Variants in KCNQ3 observed in about 807,000 individuals in gnomAD.
KCNQ3 encodes potassium voltage-gated channel subfamily Q member 3.
Under a neutral mutation model 92.5 loss-of-function variants are expected in KCNQ3, and 30 were observed. The observed-to-expected ratio is 0.32, with a 90% CI of 0.24 to 0.44. KCNQ3 has a LOEUF of 0.44. Ranked by LOEUF, KCNQ3 falls within the 20% of genes least tolerant of loss-of-function variation. KCNQ3 has a pLI of 1.00. For synonymous variants in KCNQ3, 450 were observed against 468.8 expected (o/e 0.96, Z 0.52); for missense variants, 913 against 1,140.3 (o/e 0.80, Z 2.87).
chr8:132,275,593 T>G (rs1020113029), intron 1 of KCNQ3, among the ~76,000 whole-genome samples: 212 of 152,000 alleles, frequency 1.4e-3, no homozygotes, highest in Non-Finnish European at 2.5e-3. Flanking sequence ...TTTTTTTTTT[T>G]TTTAGACAGA....
chr8:132,163,166 G>T (rs538533944), intron 9 of KCNQ3, among the ~76,000 whole-genome samples: 8 of 152,214 alleles, frequency 5.3e-5, no homozygotes, highest in African/African-American at 1.2e-4. Context: ...CATCCACAAG[G>T]GATGATATTA....
intron 1 of KCNQ3, among the ~76,000 whole-genome samples, chr8:132,281,810 C>T (rs1393810765): frequency 6.6e-6 from 1 of 152,286 alleles, no homozygotes; most frequent in South Asian, 2.1e-4. Flanking sequence ...GCTTTCACTG[C>T]CTACGGGGTG....
intron 1 of KCNQ3, among the ~76,000 whole-genome samples, chr8:132,328,009 C>T (rs1818110763): frequency 6.6e-6 from 1 of 152,128 alleles, no homozygotes; most frequent in African/African-American, 2.4e-5. Context: ...GTCCCCTCTA[C>T]CCCAGAGCCA....
chr8:132,420,181 G>A lies in KCNQ3; in HGVS notation c.386+59966C>T, dbSNP rs1369450082. On this transcript the variant is annotated intron_variant, in intron 1 of 14. Coordinates refer to ENST00000388996, the MANE Select transcript of KCNQ3 (RefSeq NM_004519.4). ...GCTCTGGGGTCTCTTGTACAAGAGA[G>A]CACTAATCCCATTCTTGAAGATTCT... 2.0e-5 allele frequency among the ~76,000 whole-genome samples: 3 copies of A among 152,066 alleles called. No individual in the cohort carries two copies. The East Asian group carries it at 5.8e-4, about 29-fold the overall frequency.
chr8:132,437,045 C>T (rs1378340779), intron 1 of KCNQ3, among the ~76,000 whole-genome samples: 7 of 151,144 alleles, frequency 4.6e-5, no homozygotes, highest in African/African-American at 9.7e-5. Flanking sequence ...TTTGGGAGGC[C>T]GAGGCGGGCG....
intron 9 of KCNQ3, among the ~76,000 whole-genome samples, chr8:132,158,969 C>G (rs1316843328): frequency 6.6e-6 from 1 of 152,146 alleles, no homozygotes; most frequent in Non-Finnish European, 1.5e-5. Flanking sequence ...CTGAAGGCTG[C>G]TGTTCAGATT....
intron 1 of KCNQ3, among the ~76,000 whole-genome samples, chr8:132,387,448 A>C (rs1254708695): frequency 6.6e-6 from 1 of 152,244 alleles, no homozygotes; most frequent in African/African-American, 2.4e-5. Context: ...CATCTTAATT[A>C]ATAGTGAAAA....
intron 1 of KCNQ3, among the ~76,000 whole-genome samples, chr8:132,247,719 ACC>A (rs754803684): frequency 6.6e-6 from 1 of 151,512 alleles, no homozygotes; most frequent in African/African-American, 2.4e-5. Context: ...AATCGCTTGA[ACC>A]CAGGAGGCGG....
intron 1 of KCNQ3, among the ~76,000 whole-genome samples, chr8:132,308,218 C>T (rs1437875505): frequency 6.6e-6 from 1 of 152,164 alleles, no homozygotes; most frequent in Non-Finnish European, 1.5e-5. Context: ...GTCTAGGTCC[C>T]TCTCCTCCTC....
In KCNQ3 at chr8:132,463,603, C is replaced by A. The variant is rs920471780; in HGVS notation, c.386+16544G>T. 7.9e-5 allele frequency among the ~76,000 whole-genome samples: 12 copies of A among 152,268 alleles called. 1 individual carries two copies. Among genetic ancestry groups the A allele is most frequent in the Admixed American group, 3.9e-4 (6 of 15,292 alleles). On this transcript the variant is annotated intron_variant, in intron 1 of 14. Transcript: ENST00000388996. ...CTCCCTGGAGGTCGTGTGGTCTAGG[C>A]AAGTGTTTTTCATGGCATACCTGCT...
In KCNQ3 at chr8:132,129,870, T is replaced by C. The variant is rs1320871528; in HGVS notation, c.2011A>G (p.Lys671Glu). The change falls in exon 15 of 15, where the codon AAG (lysine) becomes GAG (glutamate). Residue 671 changes from lysine to glutamate, a missense_variant. Lys to Glu is a moderately conservative substitution (Grantham distance 56, BLOSUM62 1). Transcript: ENST00000388996. The surrounding 1 kb of genome is among the most constrained non-coding windows in gnomAD (Gnocchi z 5.9). ...TCGGAATACCTGTTGTCCTCCTTCTTCTCTGCTTCAGCTGGCGAGGAGGTG... is the reference window on the plus strand; with the variant it reads ...TCGGAATACCTGTTGTCCTCCTTCTCCTCTGCTTCAGCTGGCGAGGAGGTG... ...KGTSSPAEAE[K>E]KEDNRYSDLK... 1.9e-6 allele frequency: 3 copies of C among 1,614,138 alleles called. No individual in the cohort carries two copies. Among genetic ancestry groups the C allele is most frequent in the Non-Finnish European group, 2.5e-6 (3 of 1,180,010 alleles).
intron 1 of KCNQ3, among the ~76,000 whole-genome samples, chr8:132,360,836 G>C (rs1406731226): frequency 6.6e-6 from 1 of 152,108 alleles, no homozygotes; most frequent in African/African-American, 2.4e-5. Context: ...GATATCTTTT[G>C]GATGCTTGGG....
chr8:132,273,128 C>G (rs1816210732), intron 1 of KCNQ3, among the ~76,000 whole-genome samples: 2 of 152,288 alleles, frequency 1.3e-5, no homozygotes, highest in South Asian at 4.1e-4. Flanking sequence ...TATGTGGGGG[C>G]TCTGACCCCA....
At chr8:132,470,242 G>A (rs1404616222) in intron 1 of KCNQ3, among the ~76,000 whole-genome samples, 2 of 152,174 alleles carry the variant, frequency 1.3e-5, no homozygotes, top group Admixed American at 1.3e-4. Flanking sequence ...TAAGGGCAAT[G>A]CCTGTCATCT....
chr8:132,391,249 G>T (rs1820039629), intron 1 of KCNQ3, among the ~76,000 whole-genome samples: 1 of 152,144 alleles, frequency 6.6e-6, no homozygotes, highest in Non-Finnish European at 1.5e-5. Context: ...CCATGAAGAT[G>T]ATGGTATCAA....
chr8:132,297,124 A>G (rs528375565), intron 1 of KCNQ3, among the ~76,000 whole-genome samples: 16 of 152,208 alleles, frequency 1.1e-4, no homozygotes, highest in African/African-American at 3.9e-4. Flanking sequence ...TTTGATTTGC[A>G]TTTCTCTGAT....
chr8:132,268,645 G>T (rs1255927998), intron 1 of KCNQ3, among the ~76,000 whole-genome samples: 1 of 152,164 alleles, frequency 6.6e-6, no homozygotes, highest in East Asian at 1.9e-4. Flanking sequence ...AGAACATCTT[G>T]GTTGCTTCCA....
At chr8:132,394,914 T>C (rs527474090) in intron 1 of KCNQ3, among the ~76,000 whole-genome samples, 162 of 152,242 alleles carry the variant, frequency 1.1e-3, no homozygotes, top group African/African-American at 3.7e-3. Context: ...TTAAGACCAA[T>C]GGTCAACTCC....
At chr8:132,429,632 G>A (rs1021022631) in intron 1 of KCNQ3, among the ~76,000 whole-genome samples, 3 of 152,090 alleles carry the variant, frequency 2.0e-5, no homozygotes, top group Non-Finnish European at 4.4e-5. Context: ...AAGCCAAGGT[G>A]GGTGGATCAC....
Sources: allele counts gnomAD v4.1 joint callset (sites outside exome capture counted in the v4.1 genomes callset), GRCh38; gene constraint gnomAD v4.1.1; non-coding constraint Gnocchi (gnomAD v3.1); transcripts MANE v1.5; gene names NCBI Gene and HGNC (gene_info 2026-07-23, HGNC 2026-07-21).